ZNF804A: variants seen among roughly 807,000 people sequenced by gnomAD.
The protein encoded by ZNF804A is zinc finger protein 804A.
ZNF804A carries 2 observed loss-of-function variants against 16.5 expected under a neutral mutation model. The ratio of observed to expected loss-of-function variants is 0.12; its 90% CI spans 0.05 to 0.38. The LOEUF (loss-of-function observed/expected upper bound fraction) is 0.38, where lower values mean the gene tolerates loss of function less well. ZNF804A is among the 10% of genes least tolerant of loss of function. ZNF804A has a pLI of 0.99. For synonymous variants in ZNF804A, 534 were observed against 489.6 expected, an observed-to-expected ratio of 1.09 and a Z score of -1.20; for missense variants, 1,473 against 1,390.7, an observed-to-expected ratio of 1.06 and a Z score of -0.94.
At chr2:184,802,937 G>A (rs1694748688) in intron 1 of ZNF804A, among the ~76,000 whole-genome samples, 1 of 152,082 alleles carries the variant, frequency 6.6e-6, no homozygotes, top group African/African-American at 2.4e-5. Flanking sequence ...TCTAGCCTTA[G>A]GAAAGTGATT....
intron 2 of ZNF804A, among the ~76,000 whole-genome samples, chr2:184,925,677 T>G (rs1480828999): frequency 6.6e-6 from 1 of 151,924 alleles, no homozygotes; most frequent in African/African-American, 2.4e-5. Context: ...TGATGTGAAT[T>G]AATTTCTTTA....
intron 1 of ZNF804A, among the ~76,000 whole-genome samples, chr2:184,716,956 T>C (rs1289911244): frequency 1.3e-5 from 2 of 152,134 alleles, no homozygotes; most frequent in African/African-American, 2.4e-5. Flanking sequence ...TGTCCTCTTT[T>C]GACCACAGTG....
chr2:184,610,110 T>C (rs921284144), intron 1 of ZNF804A, among the ~76,000 whole-genome samples: 1 of 152,168 alleles, frequency 6.6e-6, no homozygotes, highest in Non-Finnish European at 1.5e-5. Context: ...GGATCTGTTA[T>C]AAAAATCAAT....
chr2:184,722,602 G>A (rs1327100217), intron 1 of ZNF804A, among the ~76,000 whole-genome samples: 1 of 151,930 alleles, frequency 6.6e-6, no homozygotes, highest in African/African-American at 2.4e-5. Context: ...CAATAGTGAC[G>A]TATGAATTGG....
intron 1 of ZNF804A, among the ~76,000 whole-genome samples, chr2:184,648,329 G>C (rs1367217690): frequency 6.6e-6 from 1 of 151,982 alleles, no homozygotes; most frequent in African/African-American, 2.4e-5. Flanking sequence ...ATAGCCCACA[G>C]GTCATATAAA....
chr2:184,629,209 C>T (rs960850161), intron 1 of ZNF804A, among the ~76,000 whole-genome samples: 1 of 151,914 alleles, frequency 6.6e-6, no homozygotes, highest in African/African-American at 2.4e-5. Context: ...TCTTTTTAAC[C>T]AATTTATCAT....
intron 1 of ZNF804A, among the ~76,000 whole-genome samples, chr2:184,859,311 TCTGA>T (rs1315183427): frequency 7.9e-5 from 12 of 152,096 alleles, no homozygotes; most frequent in African/African-American, 2.9e-4. Context: ...TTATTTCTCC[TCTGA>T]CTGTATATTT....
In ZNF804A at chr2:184,852,229, T is replaced by TTCTCTCTCTCTCTC. The variant is rs10618125; in HGVS notation, c.112-14120_112-14107dup. Among the ~76,000 whole-genome samples, 15 of 134,748 alleles carry TTCTCTCTCTCTCTC rather than the reference T, an allele frequency of 1.1e-4. 2 individuals are homozygous for TTCTCTCTCTCTCTC. Among genetic ancestry groups the TTCTCTCTCTCTCTC allele is most frequent in the African/African-American group, 4.2e-4 (15 of 35,982 alleles). 88.4% of individuals were successfully genotyped at this position (134,748 alleles called of 152,430 possible). A position where few individuals can be genotyped will look rare whatever the true frequency, so the allele number is the denominator to read the frequency against. ...TAAAAGTTATGTGAATGCGGTCTCTTTCTCTCTCTCTCTCTCTCTCTCTCT... is the reference window on the plus strand; with the variant it reads ...TAAAAGTTATGTGAATGCGGTCTCTTTCTCTCTCTCTCTCTCTCTCTCTCTCTCTCTCTCTCTCT... On this transcript the variant is annotated intron_variant, in intron 1 of 3. Transcript: ENST00000302277.
rs556987521 is a variant in ZNF804A at position 184,828,426 on chromosome 2, T to A, written c.112-37943T>A. On this transcript the variant is annotated intron_variant, in intron 1 of 3. Transcript: ENST00000302277. ...ATTGTCTCCATGTTTCCAAAAGGAA[T>A]AATGCTTTACTCTTTTAATTTTGAT... 3.3e-5 allele frequency among the ~76,000 whole-genome samples: 5 copies of A among 152,000 alleles called. No homozygotes were observed. The East Asian group carries it at 9.6e-4, about 29-fold the overall frequency.
At chr2:184,765,609 C>A (rs1261220312) in intron 1 of ZNF804A, among the ~76,000 whole-genome samples, 1 of 145,160 alleles carries the variant, frequency 6.9e-6, no homozygotes, top group East Asian at 2.0e-4. Context: ...ACATGCACCC[C>A]CCCCCCTTAG....
intron 1 of ZNF804A, among the ~76,000 whole-genome samples, chr2:184,736,532 G>T (rs187779398): frequency 6.6e-6 from 1 of 151,920 alleles, no homozygotes; most frequent in South Asian, 2.1e-4. Flanking sequence ...GGAGTTCAAC[G>T]ATGGGAACAC....
intron 2 of ZNF804A, among the ~76,000 whole-genome samples, chr2:184,916,440 A>C (rs909863234): frequency 2.0e-5 from 3 of 152,210 alleles, no homozygotes; most frequent in Non-Finnish European, 4.4e-5. Flanking sequence ...TACATATCAT[A>C]TGAGGAGACA....
chr2:184,753,567 C>T (rs1467276239), intron 1 of ZNF804A, among the ~76,000 whole-genome samples: 1 of 151,892 alleles, frequency 6.6e-6, no homozygotes, highest in East Asian at 1.9e-4. Context: ...CACTGCTGCT[C>T]TGTATTCTCC....
At chr2:184,756,454 T>C (rs1693960515) in intron 1 of ZNF804A, among the ~76,000 whole-genome samples, 2 of 151,992 alleles carry the variant, frequency 1.3e-5, no homozygotes, top group African/African-American at 4.8e-5. Context: ...TATGTCAGAT[T>C]CATACACTTA....
intron 1 of ZNF804A, among the ~76,000 whole-genome samples, chr2:184,603,427 C>A (rs1369629004): frequency 6.6e-6 from 1 of 152,214 alleles, no homozygotes; most frequent in Non-Finnish European, 1.5e-5. Context: ...TAGGAACACA[C>A]TAAAATTTGG....
intron 2 of ZNF804A, among the ~76,000 whole-genome samples, chr2:184,919,261 G>A (rs970285244): frequency 2.0e-5 from 3 of 152,160 alleles, no homozygotes; most frequent in Admixed American, 6.6e-5. Flanking sequence ...GCCATCCAAT[G>A]TACTCAACCT....
rs115662676 is a variant in ZNF804A at position 184,891,055 on chromosome 2, G to T, written c.255+24543G>T. ...AGTGAGCAATACAACCACAATCTTG[G>T]TTTAGTTCCTCCATTTCCCACAATT... On this transcript the variant is annotated intron_variant, in intron 2 of 3. Coordinates refer to ENST00000302277, the MANE Select transcript of ZNF804A (RefSeq NM_194250.2). Among the ~76,000 whole-genome samples the T allele has an allele frequency of 3.1e-3, 465 of 152,128 alleles. 1 individual carries two copies. The highest frequency in any genetic ancestry group is 0.011 in the African/African-American group (445 of 41,520).
intron 1 of ZNF804A, among the ~76,000 whole-genome samples, chr2:184,747,901 A>C (rs1237888988): frequency 6.6e-6 from 1 of 151,330 alleles, no homozygotes; most frequent in African/African-American, 2.4e-5. Context: ...AAGAACATGC[A>C]GTATTTGGTT....
chr2:184,726,966 C>G (rs1693422994), intron 1 of ZNF804A, among the ~76,000 whole-genome samples: 1 of 151,514 alleles, frequency 6.6e-6, no homozygotes, highest in Non-Finnish European at 1.5e-5. Context: ...GTTGAATGCT[C>G]TAGCACTACA....
Sources: allele counts gnomAD v4.1 joint callset (sites outside exome capture counted in the v4.1 genomes callset), GRCh38; gene constraint gnomAD v4.1.1; transcripts MANE v1.5; gene names NCBI Gene and HGNC (gene_info 2026-07-23, HGNC 2026-07-21).